C8orf89: variants seen among roughly 807,000 people sequenced by gnomAD.
The protein encoded by C8orf89 is chromosome 8 open reading frame 89.
A neutral mutation model predicts 15.8 loss-of-function variants in C8orf89; 14 were observed. That is an observed-to-expected ratio of 0.89 (90% CI 0.59 to 1.39). The LOEUF (loss-of-function observed/expected upper bound fraction) is 1.39. Among genes scored for constraint, C8orf89 ranks in the 40% most tolerant of loss-of-function variants. The probability of loss-of-function intolerance (pLI) is 0.00; values close to 1 mark genes in which losing one functional copy is unlikely to be tolerated. For missense variants in C8orf89, 181 were observed against 184.5 expected, an observed-to-expected ratio of 0.98 and a Z score of 0.11; for synonymous variants, 55 against 62.2, an observed-to-expected ratio of 0.88 and a Z score of 0.54.
rs549703923 is a variant in C8orf89 at position 73,254,700 on chromosome 8, C to T, written c.281+2273G>A. ...CCACCCCTAGGCCAGCCACAGACCT[C>T]GCAGCAGACATCTGTGGGTCTGAGT... On this transcript the variant is annotated intron_variant, in intron 2 of 3. Transcript: ENST00000624510. Among the ~76,000 whole-genome samples the T allele has an allele frequency of 2.8e-3, 430 of 152,214 alleles. 2 individuals are homozygous for T. Among genetic ancestry groups the T allele is most frequent in the South Asian group, 9.7e-3 (47 of 4,822 alleles).
the C8orf89 span, among the ~76,000 whole-genome samples, chr8:73,284,622 C>A: frequency 1.4e-4 from 22 of 152,120 alleles, no homozygotes; most frequent in Non-Finnish European, 1.0e-4. Flanking sequence ...CAAATGAATT[C>A]TAACAAGGAT....
At chr8:73,251,753 G>A (rs1454868431) in intron 2 of C8orf89, among the ~76,000 whole-genome samples, 1 of 152,144 alleles carries the variant, frequency 6.6e-6, no homozygotes, top group Non-Finnish European at 1.5e-5. Context: ...TAATTCATGG[G>A]TATTTTCCAG....
At position 73,257,116 on chromosome 8, in the gene C8orf89, T is replaced by A. The variant is rs1360325018; in HGVS notation, c.138A>T (p.Thr46=). 5.2e-6 allele frequency: 8 copies of A among 1,531,276 alleles called. No individual in the cohort carries two copies. In the African/African-American group the frequency reaches 1.1e-4, roughly 21 times the overall value. The allele number at this position is 1,531,276 out of a possible 1,614,324, so 94.9% of individuals were successfully genotyped here. ...CCTTGAGCTCTTCTAGACCAAATGC[T>A]GTGGTATATTCTGGTTAAAAATATA... ...ETQKIKKEYT[T]AFGLEELKEC... The change falls in exon 2 of 4, where the codon ACA becomes ACT. Residue 46 remains threonine, a synonymous_variant. Coordinates refer to ENST00000624510, the MANE Select transcript of C8orf89 (RefSeq NM_001243237.3).
At chr8:73,265,287 G>A in the C8orf89 span, among the ~76,000 whole-genome samples, 12 of 152,182 alleles carry the variant, frequency 7.9e-5, no homozygotes, top group African/African-American at 2.9e-4. Context: ...ATAAGACAAG[G>A]TTTGAAAGAT....
the C8orf89 span, among the ~76,000 whole-genome samples, chr8:73,274,430 T>C: frequency 6.6e-6 from 1 of 152,144 alleles, no homozygotes; most frequent in Non-Finnish European, 1.5e-5. Context: ...GGATTACAAG[T>C]GTGAGCCACC....
chr8:73,282,521 G>C, the C8orf89 span, among the ~76,000 whole-genome samples: 27 of 152,162 alleles, frequency 1.8e-4, 1 homozygote, highest in Admixed American at 1.7e-3. Context: ...TTGCCTGGAG[G>C]GAGGGGTTCA....
chr8:73,261,252 G>T (rs1281823666), upstream of C8orf89, among the ~76,000 whole-genome samples: 1 of 152,062 alleles, frequency 6.6e-6, no homozygotes, highest in Non-Finnish European at 1.5e-5. Flanking sequence ...AGAGAACCCT[G>T]ACTAATACAA....
the C8orf89 span, chr8:73,277,363 T>G: frequency 1.0e-6 from 1 of 997,020 alleles, no homozygotes; most frequent in South Asian, 1.7e-5. Flanking sequence ...ACACGATCAT[T>G]TTTTCTCTGA....
chr8:73,243,919 T>C (rs2130243824), intron 3 of C8orf89, among the ~76,000 whole-genome samples: 2 of 152,320 alleles, frequency 1.3e-5, no homozygotes, highest in South Asian at 4.1e-4. Flanking sequence ...TAAAATTACA[T>C]TGGTGCAAAA....
Position 73,258,409 on chromosome 8 carries a change from CAAA to C in C8orf89, c.127+920_127+922del, listed in dbSNP as rs34265425. The stretch of plus-strand genomic sequence containing the variant: ...CTGGTGACAAAGCTAGACTCCATCT[CAAA>C]AAAAAAAAAAAAAAAAAAAGAATTA... On this transcript the variant is annotated intron_variant, in intron 1 of 3. Transcript: ENST00000624510. Among the ~76,000 whole-genome samples the C allele has an allele frequency of 1.0e-2, 688 of 69,144 alleles. 9 individuals carry two copies. Among genetic ancestry groups the C allele is most frequent in the East Asian group, 0.038 (87 of 2,310 alleles). The allele number at this position is 69,144 out of a possible 152,430, so 45.4% of individuals were successfully genotyped here.
upstream of C8orf89, among the ~76,000 whole-genome samples, chr8:73,259,970 G>A (rs941824446): frequency 1.3e-5 from 2 of 152,174 alleles, 1 homozygote; most frequent in Non-Finnish European, 2.9e-5. Context: ...TGGGAATGGT[G>A]AGGAGTGACA....
At chr8:73,264,076 T>TA (rs1269309370), upstream of C8orf89, among the ~76,000 whole-genome samples, 1 of 152,144 alleles carries the variant, frequency 6.6e-6, no homozygotes, top group Non-Finnish European at 1.5e-5. Flanking sequence ...TTCCACAAGA[T>TA]ACATCACAGC....
chr8:73,269,834 G>T, the C8orf89 span, among the ~76,000 whole-genome samples: 1 of 152,142 alleles, frequency 6.6e-6, no homozygotes, highest in Non-Finnish European at 1.5e-5. Context: ...GCACTACTCA[G>T]CACTTGACAC....
intron 2 of C8orf89, among the ~76,000 whole-genome samples, chr8:73,254,656 G>A (rs529921695): frequency 2.0e-5 from 3 of 151,900 alleles, no homozygotes; most frequent in Middle Eastern, 3.2e-3. Context: ...CCCTCCTCCC[G>A]GTCTCATCCT....
At chr8:73,262,203 C>A (rs2130298114), upstream of C8orf89, among the ~76,000 whole-genome samples, 1 of 152,148 alleles carries the variant, frequency 6.6e-6, no homozygotes, top group South Asian at 2.1e-4. Flanking sequence ...TGAAGATGAC[C>A]AGACAACTTT....
chr8:73,277,958 A>G, the C8orf89 span: 1 of 653,622 alleles, frequency 1.5e-6, no homozygotes, highest in South Asian at 1.4e-5. Context: ...GTTGGCCAGC[A>G]ACAATGCCAA....
chr8:73,249,436 A>G (rs922134897), intron 3 of C8orf89, among the ~76,000 whole-genome samples: 1 of 152,130 alleles, frequency 6.6e-6, no homozygotes, highest in Non-Finnish European at 1.5e-5. Flanking sequence ...TGTCTCATAG[A>G]ATGAGTTACA....
At chr8:73,256,248 C>T (rs1219175362) in intron 2 of C8orf89, among the ~76,000 whole-genome samples, 2 of 151,894 alleles carry the variant, frequency 1.3e-5, no homozygotes, top group Middle Eastern at 6.4e-3. Context: ...TTAATTAGGC[C>T]AACATCTCAT....
chr8:73,259,237 C>A, intron 1 of C8orf89, 95 bp downstream of exon 1: 1 of 716,498 alleles, frequency 1.4e-6, no homozygotes, highest in Non-Finnish European at 2.0e-6. Context: ...ACATAAATGT[C>A]ACAGAAAATG....
Sources: allele counts gnomAD v4.1 joint callset (sites outside exome capture counted in the v4.1 genomes callset), GRCh38; gene constraint gnomAD v4.1.1; transcripts MANE v1.5; gene names NCBI Gene and HGNC (gene_info 2026-07-23, HGNC 2026-07-21).